SNTG1: variants seen among roughly 807,000 people sequenced by gnomAD.
SNTG1 encodes gamma-1-syntrophin.
Under a neutral mutation model 74.7 loss-of-function variants are expected in SNTG1, and 39 were observed. The ratio of observed to expected loss-of-function variants is 0.52; its 90% CI spans 0.40 to 0.68. The LOEUF (loss-of-function observed/expected upper bound fraction) is 0.68. SNTG1 is among the 30% of genes least tolerant of loss of function. The pLI is 0.00. For missense variants in SNTG1, 685 were observed against 609.5 expected, an observed-to-expected ratio of 1.12 and a Z score of -1.30; for synonymous variants, 254 against 217.1, an observed-to-expected ratio of 1.17 and a Z score of -1.49.
At chr8:50,457,870 C>T (rs1357103636) in intron 8 of SNTG1, 2 of 152,230 alleles carry the variant, frequency 1.3e-5, no homozygotes, top group Non-Finnish European at 2.9e-5. Flanking sequence ...GCGAAAGGTA[C>T]ATTCTGGGCA....
intron 1 of SNTG1, among the ~76,000 whole-genome samples, chr8:50,044,924 T>C (rs1818950033): frequency 6.6e-6 from 1 of 152,156 alleles, no homozygotes. Flanking sequence ...TTGCGAACCA[T>C]TTAAAATAGT....
rs774947978 is a variant in SNTG1 at position 50,450,720 on chromosome 8, T to C, written c.354T>C (p.His118=). 1 of 1,613,110 alleles carries C rather than the reference T, an allele frequency of 6.2e-7. No individual in the cohort carries two copies. Among genetic ancestry groups the C allele is most frequent in the South Asian group, 1.1e-5 (1 of 91,040 alleles). ...INGINVRKCR[H]EEVVQVLRNA... ...GCATTAATGTGAGAAAATGTAGACA[T>C]GAAGAAGTGGTGAGTTTACTTTTTC... Residue 118 remains histidine (H), a synonymous_variant, in exon 8 of 19, where the codon CAT becomes CAC. Transcript: ENST00000642720.
At chr8:50,783,909 A>T (rs1019070495) in intron 18 of SNTG1, among the ~76,000 whole-genome samples, 5 of 152,158 alleles carry the variant, frequency 3.3e-5, no homozygotes, top group African/African-American at 1.2e-4. Context: ...GGAATTACAC[A>T]TTTTTGTTAT....
In SNTG1 at chr8:50,328,970, A is replaced by T. The variant is rs367605905; in HGVS notation, c.-27-65242A>T. Among the ~76,000 whole-genome samples, 10 of 152,332 alleles carry T rather than the reference A, an allele frequency of 6.6e-5. No individual in the cohort carries two copies. The East Asian group carries it at 1.7e-3, about 26-fold the overall frequency. ...CACAATGTGGGTGTAAGCATTGGAT[A>T]AATACTTCCATTCCAAATGGGAGAA... On this transcript the variant is annotated intron_variant, in intron 2 of 18. Transcript: ENST00000642720.
chr8:50,130,217 G>T (rs1586400924), intron 1 of SNTG1, among the ~76,000 whole-genome samples: 1 of 152,130 alleles, frequency 6.6e-6, no homozygotes, highest in Non-Finnish European at 1.5e-5. Flanking sequence ...GAACTGAAAA[G>T]ACAGAAATTG....
At chr8:49,989,070 T>C (rs917615717) in intron 1 of SNTG1, among the ~76,000 whole-genome samples, 6 of 151,916 alleles carry the variant, frequency 3.9e-5, no homozygotes, top group Non-Finnish European at 8.8e-5. Context: ...CTGTACCCTA[T>C]AAATATATAT....
intron 13 of SNTG1, among the ~76,000 whole-genome samples, chr8:50,638,502 C>T (rs1366719993): frequency 6.6e-6 from 1 of 152,156 alleles, no homozygotes; most frequent in East Asian, 1.9e-4. Flanking sequence ...AGTAGAGTTA[C>T]AAAAATTTTT....
At chr8:50,078,708 C>T (rs765695206) in intron 1 of SNTG1, among the ~76,000 whole-genome samples, 2 of 152,152 alleles carry the variant, frequency 1.3e-5, no homozygotes, top group Non-Finnish European at 2.9e-5. Flanking sequence ...GCTCTCCTTT[C>T]TCTAGCCCCC....
intron 2 of SNTG1, among the ~76,000 whole-genome samples, chr8:50,366,809 T>A (rs1335249733): frequency 6.9e-6 from 1 of 144,804 alleles, no homozygotes; most frequent in Non-Finnish European, 1.5e-5. Context: ...TAATAAAATA[T>A]ATTATATATA....
intron 11 of SNTG1, among the ~76,000 whole-genome samples, chr8:50,537,190 T>C (rs1022756658): frequency 1.3e-5 from 2 of 152,160 alleles, no homozygotes; most frequent in Non-Finnish European, 2.9e-5. Flanking sequence ...AGAGGGGTGA[T>C]CTTAGCTCAC....
intron 15 of SNTG1, among the ~76,000 whole-genome samples, chr8:50,664,245 T>A (rs1027984611): frequency 6.6e-6 from 1 of 152,152 alleles, no homozygotes; most frequent in African/African-American, 2.4e-5. Flanking sequence ...ATTACAGACC[T>A]CTGGTGCCTG....
chr8:50,333,982 T>C (rs776535487), intron 2 of SNTG1, among the ~76,000 whole-genome samples: 16 of 152,188 alleles, frequency 1.1e-4, no homozygotes, highest in South Asian at 6.2e-4. Flanking sequence ...CTGCAGCCTC[T>C]GCCTCCCGGG....
chr8:50,386,546 A>G (rs2131265935), intron 2 of SNTG1, among the ~76,000 whole-genome samples: 1 of 152,078 alleles, frequency 6.6e-6, no homozygotes, highest in Non-Finnish European at 1.5e-5. Context: ...ATAAAGGAAT[A>G]CCTCAAGCAG....
intron 12 of SNTG1, among the ~76,000 whole-genome samples, chr8:50,558,326 G>T (rs999251660): frequency 1.8e-4 from 27 of 152,248 alleles, no homozygotes; most frequent in South Asian, 6.2e-4. Context: ...CACAGCTGTT[G>T]GCTCGCAGAG....
chr8:50,070,234 A>T (rs1821248475), intron 1 of SNTG1, among the ~76,000 whole-genome samples: 1 of 152,202 alleles, frequency 6.6e-6, no homozygotes, highest in Non-Finnish European at 1.5e-5. Flanking sequence ...TCAAATATTG[A>T]GGAAAAAATA....
chr8:49,986,886 T>C (rs1813213610), intron 1 of SNTG1, among the ~76,000 whole-genome samples: 1 of 151,802 alleles, frequency 6.6e-6, no homozygotes. Context: ...GATAAACAAA[T>C]AAATAAATAA....
chr8:50,054,193 C>T (rs1819828443), intron 1 of SNTG1, among the ~76,000 whole-genome samples: 1 of 152,072 alleles, frequency 6.6e-6, no homozygotes, highest in African/African-American at 2.4e-5. Context: ...CCAACTGTGA[C>T]AACACGACTC....
chr8:50,776,993 C>A (rs899810209), intron 18 of SNTG1, among the ~76,000 whole-genome samples: 2 of 151,752 alleles, frequency 1.3e-5, no homozygotes, highest in Non-Finnish European at 2.9e-5. Context: ...TTATTTCTCT[C>A]TTGCTGCTCT....
intron 2 of SNTG1, among the ~76,000 whole-genome samples, chr8:50,272,776 G>T (rs144241069): frequency 0.02 from 3,101 of 151,888 alleles, 112 homozygotes; most frequent in African/African-American, 0.069. Context: ...TTTCTCTGTT[G>T]CCCAGGCTGG....
Sources: allele counts gnomAD v4.1 joint callset (sites outside exome capture counted in the v4.1 genomes callset), GRCh38; gene constraint gnomAD v4.1.1; transcripts MANE v1.5; gene names NCBI Gene and HGNC (gene_info 2026-07-23, HGNC 2026-07-21).